The following PEPD variants were observed in gnomAD, a reference collection of about 807,000 sequenced individuals.
PEPD encodes xaa-Pro dipeptidase.
In PEPD, 53 loss-of-function variants were observed where a neutral mutation model predicts 60.7. The observed-to-expected ratio is 0.87, with a 90% CI of 0.70 to 1.10. PEPD has a LOEUF of 1.10. Among genes scored for constraint, PEPD ranks in the 50% least tolerant of loss-of-function variants. The pLI is 0.00. For synonymous variants in PEPD, 267 were observed against 284.1 expected (o/e 0.94, Z 0.60); for missense variants, 711 against 711.9 (o/e 1.00, Z 0.01).
intron 7 of PEPD, among the ~76,000 whole-genome samples, chr19:33,476,517 CTT>C (rs999587482): frequency 5.3e-5 from 8 of 152,168 alleles, no homozygotes; most frequent in Non-Finnish European, 1.2e-4. Flanking sequence ...AGCTTTCCCT[CTT>C]GACTGCGGCT....
chr19:33,509,601 GC>G (rs1177702729), intron 3 of PEPD, among the ~76,000 whole-genome samples: 1 of 152,150 alleles, frequency 6.6e-6, no homozygotes, highest in Non-Finnish European at 1.5e-5. Context: ...CCCTGTGGCA[GC>G]CAGGGGCCTT....
At chr19:33,445,420 T>C (rs146872876) in intron 9 of PEPD, among the ~76,000 whole-genome samples, 209 of 152,308 alleles carry the variant, frequency 1.4e-3, no homozygotes, top group Non-Finnish European at 1.7e-3. Flanking sequence ...AACAGGTGAT[T>C]AGGCTAAACT....
chr19:33,432,592 G>A (rs1230304463), intron 9 of PEPD, among the ~76,000 whole-genome samples: 4 of 152,250 alleles, frequency 2.6e-5, no homozygotes, highest in Non-Finnish European at 5.9e-5. Flanking sequence ...TCTCCCCTGG[G>A]AGCAGGAGGA....
At chr19:33,479,599 G>A (rs935656513) in intron 6 of PEPD, among the ~76,000 whole-genome samples, 2 of 152,096 alleles carry the variant, frequency 1.3e-5, no homozygotes, top group African/African-American at 4.8e-5. Context: ...AGGCCCCAGT[G>A]TGTGTTGTCG....
In PEPD at chr19:33,463,899, C is replaced by T. The variant is rs1001962713; in HGVS notation, c.624+88G>A. The T allele has an allele frequency of 5.8e-6, 5 of 856,602 alleles. No homozygotes were observed. In the African/African-American group the frequency reaches 6.6e-5, roughly 11 times the overall value. The allele number at this position is 856,602 out of a possible 1,614,324, so 53.1% of individuals were successfully genotyped here. A position where few individuals can be genotyped will look rare whatever the true frequency, so the allele number is the denominator to read the frequency against. Reference sequence around the variant, plus strand: ...CACTTGGCCCTCAGGGATTAGAGCCCACCTGGAAACCCTTCATCCTCACGC... The same window carrying T: ...CACTTGGCCCTCAGGGATTAGAGCCTACCTGGAAACCCTTCATCCTCACGC... On this transcript the variant is annotated intron_variant, in intron 8 of 14. Coordinates refer to ENST00000244137, the MANE Select transcript of PEPD (RefSeq NM_000285.4).
chr19:33,387,946 C>T lies in PEPD; in HGVS notation c.1288G>A (p.Ala430Thr). 1 of 1,597,504 alleles carries T rather than the reference C, an allele frequency of 6.3e-7. No individual in the cohort carries two copies. Among genetic ancestry groups the T allele is most frequent in the Non-Finnish European group, 8.5e-7 (1 of 1,172,850 alleles). Reference sequence around the variant, plus strand: ...TCGCGGTTAAGGAAGGAGGCGCGGGCCGGGTCCGCCAGGGCCTCATCCAGG... The same window carrying T: ...TCGCGGTTAAGGAAGGAGGCGCGGGTCGGGTCCGCCAGGGCCTCATCCAGG... ...HLLDEALADP[A>T]RASFLNREVL... is the part of the protein sequence containing the mutation. Residue 430 changes from alanine (A) to threonine (T), a missense_variant, in exon 14 of 15, where the codon GCC (alanine) becomes ACC (threonine). Physicochemically the swap from Ala to Thr is moderately conservative, Grantham distance 58. Transcript: ENST00000244137.
chr19:33,398,775 GA>G, intron 12 of PEPD, among the ~76,000 whole-genome samples: 1 of 152,354 alleles, frequency 6.6e-6, no homozygotes, highest in Middle Eastern at 3.4e-3. Context: ...TGAAGAGTCA[GA>G]AAGAATAAGA....
At chr19:33,451,240 AG>A (rs1969693301) in intron 9 of PEPD, among the ~76,000 whole-genome samples, 1 of 152,230 alleles carries the variant, frequency 6.6e-6, no homozygotes, top group East Asian at 1.9e-4. Flanking sequence ...TCGTGGGATA[AG>A]CCCCACTTTA....
chr19:33,464,760 T>C (rs76739892), intron 7 of PEPD, among the ~76,000 whole-genome samples: 1,701 of 152,228 alleles, frequency 0.011, 26 homozygotes, highest in South Asian at 0.071. Flanking sequence ...TCCTGAGGCT[T>C]CCAGGTCCTC....
rs1419416822 is a variant in PEPD at position 33,513,309 on chromosome 19, ATC to A, written c.18-535_18-534del. On this transcript the variant is annotated intron_variant, in intron 1 of 14. Transcript: ENST00000244137. Reference sequence around the variant, plus strand: ...ACCCAGTCCTTCAGCTCAAAGGACCATCTGCATCTGCAGACTGATGATGTCCA... The same window carrying A: ...ACCCAGTCCTTCAGCTCAAAGGACCATGCATCTGCAGACTGATGATGTCCA... Among the ~76,000 whole-genome samples the A allele has an allele frequency of 3.5e-4, 53 of 152,118 alleles. 1 individual carries two copies. The highest frequency in any genetic ancestry group is 1.2e-3 in the African/African-American group (51 of 41,410).
chr19:33,465,321 G>C (rs1051614376), intron 7 of PEPD, among the ~76,000 whole-genome samples: 3 of 152,142 alleles, frequency 2.0e-5, no homozygotes, highest in African/African-American at 7.2e-5. Context: ...CAAAGCTAGA[G>C]AAATCTCAGC....
intron 9 of PEPD, among the ~76,000 whole-genome samples, chr19:33,461,398 T>C (rs1048659662): frequency 6.6e-6 from 1 of 151,890 alleles, no homozygotes; most frequent in African/African-American, 2.4e-5. Flanking sequence ...CCATAGCCCA[T>C]GCAGCCCTGT....
chr19:33,458,104 A>G (rs981578707), intron 9 of PEPD, among the ~76,000 whole-genome samples: 2 of 151,600 alleles, frequency 1.3e-5, no homozygotes, highest in Non-Finnish European at 2.9e-5. Context: ...TGGTGGGTAC[A>G]TGTTGTGTGT....
intron 3 of PEPD, among the ~76,000 whole-genome samples, chr19:33,505,500 G>T (rs11665716): frequency 2.6e-5 from 4 of 151,866 alleles, no homozygotes; most frequent in African/African-American, 9.7e-5. Context: ...GGCAGCAGCC[G>T]AAGGAGCTCC....
intron 9 of PEPD, among the ~76,000 whole-genome samples, chr19:33,430,207 C>T (rs1404137164): frequency 6.6e-6 from 1 of 152,244 alleles, no homozygotes; most frequent in East Asian, 1.9e-4. Flanking sequence ...AGACACTAAC[C>T]CAGCCCCAGC....
intron 9 of PEPD, among the ~76,000 whole-genome samples, chr19:33,432,859 C>A (rs1408126984): frequency 6.6e-6 from 1 of 152,254 alleles, no homozygotes; most frequent in Admixed American, 6.5e-5. Context: ...CCAGTACCCA[C>A]AGCCTGGATG....
intron 9 of PEPD, among the ~76,000 whole-genome samples, chr19:33,428,905 T>C (rs1410919530): frequency 6.6e-6 from 1 of 152,198 alleles, no homozygotes; most frequent in Non-Finnish European, 1.5e-5. Context: ...CATGCACATA[T>C]GCATATACGC....
intron 13 of PEPD, 123 bp from the exon 14 acceptor site, chr19:33,388,204 T>G (rs1230832021): frequency 1.2e-6 from 1 of 843,464 alleles, no homozygotes; most frequent in South Asian, 1.4e-5. Flanking sequence ...ATTGGGGTCC[T>G]CAGCCTAGAC....
intron 9 of PEPD, among the ~76,000 whole-genome samples, chr19:33,427,201 G>A (rs1227976450): frequency 6.6e-6 from 1 of 152,258 alleles, no homozygotes; most frequent in Non-Finnish European, 1.5e-5. Context: ...GAGAAGAGGA[G>A]TGCCTTGGCC....
Sources: allele counts gnomAD v4.1 joint callset (sites outside exome capture counted in the v4.1 genomes callset), GRCh38; gene constraint gnomAD v4.1.1; transcripts MANE v1.5; gene names NCBI Gene and HGNC (gene_info 2026-07-23, HGNC 2026-07-21).